MPDZ: variants seen among roughly 807,000 people sequenced by gnomAD.
MPDZ encodes multiple PDZ domain crumbs cell polarity complex component.
A neutral mutation model predicts 239.1 loss-of-function variants in MPDZ; 234 were observed. The ratio of observed to expected loss-of-function variants is 0.98; its 90% confidence interval spans 0.88 to 1.09. The LOEUF (loss-of-function observed/expected upper bound fraction) is 1.09. MPDZ is among the 50% of genes least tolerant of loss of function. The pLI is 0.00. For synonymous variants in MPDZ, 1,048 were observed against 881.3 expected, an observed-to-expected ratio of 1.19 and a Z score of -3.35; for missense variants, 3,175 against 2,510.0, an observed-to-expected ratio of 1.26 and a Z score of -5.66.
In MPDZ at chr9:13,247,923, T is replaced by C. The variant is rs2137796838; in HGVS notation, c.17-122A>G. The C allele has an allele frequency of 3.1e-6, 3 of 956,718 alleles. No homozygotes were observed. The South Asian group carries it at 6.5e-5, about 21-fold the overall frequency. The allele number at this position is 956,718 out of a possible 1,614,324, so 59.3% of individuals were successfully genotyped here. A position where few individuals can be genotyped will look rare whatever the true frequency, so the allele number is the denominator to read the frequency against. On this transcript the variant is annotated intron_variant, in intron 2 of 46. Transcript: ENST00000319217. ...ATTGAGTGCATAAAATTGTCTCTTT[T>C]AAATTGAATAAAAAAACAGTAGGCC...
chr9:13,107,181 T>TC, intron 46 of MPDZ, 70 bp from the exon 47 acceptor site: 1 of 1,470,524 alleles, frequency 6.8e-7, no homozygotes, highest in Non-Finnish European at 9.2e-7. Flanking sequence ...CAGAAAAAGA[T>TC]CTCAACAGGA....
At chr9:13,176,850 A>C (rs1952565530) in intron 19 of MPDZ, among the ~76,000 whole-genome samples, 2 of 152,196 alleles carry the variant, frequency 1.3e-5, no homozygotes, top group South Asian at 4.1e-4. Context: ...AAAGTATGAC[A>C]TTAATTGATT....
At chr9:13,140,171 A>G in intron 27 of MPDZ, 22 bp from the exon 28 acceptor site, 1 of 1,611,682 alleles carries the variant, frequency 6.2e-7, no homozygotes, top group African/African-American at 1.3e-5. Flanking sequence ...AAAAGAATGC[A>G]GTGGGTTTGT....
intron 20 of MPDZ, 127 bp downstream of exon 20, chr9:13,176,009 T>C (rs940869622): frequency 1.4e-6 from 2 of 1,415,858 alleles, no homozygotes; most frequent in Admixed American, 2.7e-5. Context: ...AACAAGTTCA[T>C]AGGTTGCCTT....
intron 21 of MPDZ, among the ~76,000 whole-genome samples, 175 bp from the exon 22 acceptor site, chr9:13,168,739 A>C (rs1951405048): frequency 6.6e-6 from 1 of 152,168 alleles, no homozygotes; most frequent in African/African-American, 2.4e-5. Flanking sequence ...TTTTTAAGTA[A>C]ATTGTAAATG....
Position 13,217,281 on chromosome 9 carries a change from G to A in MPDZ, c.1100C>T (p.Thr367Ile). ...TGTCTCACTTTCTTCACCTTTCTGA[G>A]TAGAAGCATCAACCTAAAATAAAAT... ...STPELRVDASTQKGEESETFD... is the reference protein window; with the variant it reads ...STPELRVDASIQKGEESETFD... Residue 367 changes from threonine to isoleucine, a missense_variant, in exon 9 of 47, where the codon ACT becomes ATT. Transcript: ENST00000319217. The A allele has an allele frequency of 6.3e-7, 1 of 1,590,538 alleles. No homozygotes were observed. Among genetic ancestry groups the A allele is most frequent in the East Asian group, 2.3e-5 (1 of 44,254 alleles).
Position 13,224,361 on chromosome 9 carries a change from G to A in MPDZ, c.393+13C>T. Reference sequence around the variant, plus strand: ...CAGGTATTACAATAACTAACAGAAAGAAATGTTCTTACCTGGGCCATATTT... The same window carrying A: ...CAGGTATTACAATAACTAACAGAAAAAAATGTTCTTACCTGGGCCATATTT... On this transcript the variant is annotated intron_variant, in intron 4 of 46. Coordinates refer to ENST00000319217, the MANE Select transcript of MPDZ (RefSeq NM_001378778.1). 6.3e-7 allele frequency: 1 copy of A among 1,598,230 alleles called. No individual in the cohort carries two copies. The highest frequency in any genetic ancestry group is 8.6e-7 in the Non-Finnish European group (1 of 1,169,252).
At position 13,247,779 on chromosome 9, in the gene MPDZ, T is replaced by G. The variant is rs1211560453; in HGVS notation, c.39A>C (p.Ala13=). The change falls in exon 3 of 47, where the codon GCA becomes GCC. Residue 13 remains alanine (A), a synonymous_variant. Coordinates refer to ENST00000319217, the MANE Select transcript of MPDZ (RefSeq NM_001378778.1). ...EAIDKNRALH[A]AERLQTKLRE... is the part of the protein sequence containing the mutation. Reference sequence around the variant, plus strand: ...GCAGCTTGGTTTGCAAGCGCTCTGCTGCATGCAGGGCCCGATTTTTGTCTA... The same window carrying G: ...GCAGCTTGGTTTGCAAGCGCTCTGCGGCATGCAGGGCCCGATTTTTGTCTA... 2.5e-6 allele frequency: 4 copies of G among 1,609,928 alleles called. No individual in the cohort carries two copies. The Admixed American group carries it at 5.0e-5, about 20-fold the overall frequency.
Position 13,113,053 on chromosome 9 carries a change from C to G in MPDZ, c.5559G>C (p.Leu1853Phe). Residue 1853 changes from leucine to phenylalanine, a missense_variant and splice_region_variant, in exon 42 of 47, where the codon TTG (leucine) becomes TTC (phenylalanine). By Grantham distance (22) the Leu-to-Phe change is conservative. Transcript: ENST00000319217. ...TTCTTAATCCCTGTATTTCAGATGCCACTGTAAAGGCAAAAAAGATAAAAT... is the reference window on the plus strand; with the variant it reads ...TTCTTAATCCCTGTATTTCAGATGCGACTGTAAAGGCAAAAAAGATAAAAT... Reference protein sequence around the residue: ...SLESSSKKNALASEIQGLRTV... With the variant: ...SLESSSKKNAFASEIQGLRTV... 1.9e-6 allele frequency: 3 copies of G among 1,576,142 alleles called. No individual in the cohort carries two copies. Among genetic ancestry groups the G allele is most frequent in the Non-Finnish European group, 2.6e-6 (3 of 1,159,378 alleles).
chr9:13,107,500 T>C (rs1941676861), intron 46 of MPDZ, among the ~76,000 whole-genome samples: 1 of 152,126 alleles, frequency 6.6e-6, no homozygotes, highest in South Asian at 2.1e-4. Flanking sequence ...GGTAAAGGAT[T>C]AGGTAGGAAC....
At chr9:13,231,386 C>CA (rs1385456540) in intron 3 of MPDZ, among the ~76,000 whole-genome samples, 7 of 151,840 alleles carry the variant, frequency 4.6e-5, no homozygotes, top group South Asian at 2.1e-4. Context: ...GCCAACATGG[C>CA]AAAAACCCAT....
intron 22 of MPDZ, among the ~76,000 whole-genome samples, chr9:13,166,641 A>G (rs1951112703): frequency 6.6e-6 from 1 of 152,040 alleles, no homozygotes; most frequent in South Asian, 2.1e-4. Context: ...AAAATAATTT[A>G]AGATTCTATA....
rs1238423038 is a variant in MPDZ, at chr9:13,125,133, G to A, written c.4807+83C>T. On this transcript the variant is annotated intron_variant, in intron 35 of 46. Transcript: ENST00000319217. Reference sequence around the variant, plus strand: ...CCTTCCAAACAGTGAGCCACAGGTAGGCAGCTGGCTCCCAAGCAGAAACCC... The same window carrying A: ...CCTTCCAAACAGTGAGCCACAGGTAAGCAGCTGGCTCCCAAGCAGAAACCC... The A allele has an allele frequency of 4.6e-6, 6 of 1,313,754 alleles. No homozygotes were observed. The South Asian group carries it at 8.6e-5, about 19-fold the overall frequency. 81.4% of individuals were successfully genotyped at this position (1,313,754 alleles called of 1,614,324 possible).
chr9:13,223,281 TA>T (rs1415614119), intron 5 of MPDZ, among the ~76,000 whole-genome samples: 1 of 151,734 alleles, frequency 6.6e-6, no homozygotes, highest in East Asian at 1.9e-4. Flanking sequence ...ATGGTAATTT[TA>T]AAAATCTAAT....
At position 13,183,467 on chromosome 9, in the gene MPDZ, C is replaced by T. The variant is rs77427242; in HGVS notation, c.2600G>A (p.Cys867Tyr). 1.1e-5 allele frequency: 18 copies of T among 1,611,846 alleles called. No homozygotes were observed. The highest frequency in any genetic ancestry group is 1.3e-5 in the African/African-American group (1 of 74,796). The change falls in exon 19 of 47, where the codon TGT (cysteine) becomes TAT (tyrosine). Residue 867 changes from cysteine (C) to tyrosine (Y), a missense_variant. By Grantham distance (194) the Cys-to-Tyr change is radical. Transcript: ENST00000319217. ...AGAACCATAGTTCAGGCCATCACCACAAGAACTGCCATGAAGAGATAAAAT... is the reference window on the plus strand; with the variant it reads ...AGAACCATAGTTCAGGCCATCACCATAAGAACTGCCATGAAGAGATAAAAT... ...ASILSLHGSSCGDGLNYGSSL... is the reference protein window; with the variant it reads ...ASILSLHGSSYGDGLNYGSSL...
At chr9:13,262,520 C>A (rs1249632452) in intron 1 of MPDZ, among the ~76,000 whole-genome samples, 4 of 151,860 alleles carry the variant, frequency 2.6e-5, no homozygotes, top group Non-Finnish European at 5.9e-5. Context: ...TCTTCAAACT[C>A]TACTAGAAAA....
chr9:13,163,474 A>G (rs1053481167), intron 22 of MPDZ, among the ~76,000 whole-genome samples: 2 of 152,160 alleles, frequency 1.3e-5, no homozygotes, highest in African/African-American at 4.8e-5. Context: ...TACTGACTGA[A>G]TGCCTATTAT....
At chr9:13,118,736 T>G (rs1943884069) in intron 39 of MPDZ, among the ~76,000 whole-genome samples, 1 of 152,226 alleles carries the variant, frequency 6.6e-6, no homozygotes, top group African/African-American at 2.4e-5. Context: ...GGAATTATAT[T>G]GTCAAATGAC....
At chr9:13,250,422 C>T in intron 1 of MPDZ, 50 bp from the exon 2 acceptor site, 1 of 1,004,098 alleles carries the variant, frequency 1.0e-6, no homozygotes, top group Admixed American at 2.1e-5. Flanking sequence ...ACTTTATATT[C>T]TAAAGCTATA....
Sources: allele counts gnomAD v4.1 joint callset (sites outside exome capture counted in the v4.1 genomes callset), GRCh38; gene constraint gnomAD v4.1.1; transcripts MANE v1.5; gene names NCBI Gene and HGNC (gene_info 2026-07-23, HGNC 2026-07-21).